Variants in DCAF5 observed in about 807,000 individuals in gnomAD.
DCAF5 encodes the protein DDB1 and CUL4 associated factor 5, also known as DDB1- and CUL4-associated factor 5.
Under a neutral mutation model 80.7 loss-of-function variants are expected in DCAF5, and 9 were observed. The observed-to-expected ratio is 0.11, with a 90% CI of 0.07 to 0.19. DCAF5 has a LOEUF of 0.19. Ranked by LOEUF, DCAF5 falls within the 10% of genes least tolerant of loss-of-function variation. The pLI is 1.00. For synonymous variants in DCAF5, 433 were observed against 461.9 expected (o/e 0.94, Z 0.80); for missense variants, 842 against 1,205.7 (o/e 0.70, Z 4.47).
chr14:69,081,786 C>T (rs986873285), intron 6 of DCAF5, among the ~76,000 whole-genome samples: 1 of 151,990 alleles, frequency 6.6e-6, no homozygotes, highest in Admixed American at 6.6e-5. Context: ...GTTTGTGGTG[C>T]GTGCTTACAC....
chr14:69,090,176 A>G, intron 6 of DCAF5: 1 of 911,828 alleles, frequency 1.1e-6, no homozygotes, highest in East Asian at 1.2e-4. Flanking sequence ...GCAAAGAAAG[A>G]AGGAAAAAAG....
At chr14:69,119,008 C>G in intron 3 of DCAF5, 186 bp downstream of exon 3, 2 of 572,366 alleles carry the variant, frequency 3.5e-6, no homozygotes, top group Non-Finnish European at 5.9e-6. Flanking sequence ...CTTTCAAATC[C>G]CTTTTTCCTT....
chr14:69,142,452 C>T (rs983512070), intron 1 of DCAF5, among the ~76,000 whole-genome samples: 4 of 152,190 alleles, frequency 2.6e-5, no homozygotes, highest in Non-Finnish European at 5.9e-5. Context: ...CAGTGAATGG[C>T]CATGAAAGTG....
intron 4 of DCAF5, among the ~76,000 whole-genome samples, chr14:69,116,932 TA>T (rs1027406219): frequency 1.3e-5 from 2 of 151,908 alleles, no homozygotes; most frequent in Admixed American, 6.6e-5. Context: ...TGATGAAGAT[TA>T]AAAAAAACAA....
intron 1 of DCAF5, among the ~76,000 whole-genome samples, chr14:69,143,593 C>T (rs1407791178): frequency 8.6e-6 from 1 of 116,120 alleles, no homozygotes; most frequent in Non-Finnish European, 1.6e-5. Flanking sequence ...ACAGCAATGT[C>T]TCAGCTGAAC....
intron 7 of DCAF5, among the ~76,000 whole-genome samples, chr14:69,068,488 C>T (rs1472121615): frequency 1.3e-5 from 2 of 152,000 alleles, no homozygotes; most frequent in Admixed American, 6.6e-5. Context: ...CACCTGAGGT[C>T]GGGAGTTCGA....
intron 1 of DCAF5, among the ~76,000 whole-genome samples, chr14:69,134,415 G>A (rs1052372797): frequency 3.3e-5 from 5 of 152,182 alleles, no homozygotes; most frequent in African/African-American, 1.2e-4. Context: ...TAATAGCACA[G>A]GTGACACTCC....
chr14:69,137,082 C>T (rs781541138), intron 1 of DCAF5, among the ~76,000 whole-genome samples: 4 of 152,162 alleles, frequency 2.6e-5, no homozygotes, highest in Non-Finnish European at 5.9e-5. Context: ...ATAATTAATA[C>T]ATAATAGTTG....
Position 69,153,031 on chromosome 14 carries a change from G to C in DCAF5, c.-53C>G. On this transcript the variant is annotated 5_prime_UTR_variant, in exon 1 of 9. Transcript: ENST00000341516. ...GCCGCCGCCCCTCCCTCGGCCTCAC[G>C]CGCGGCCGCTGCTCCCCCCACCCGG... 3 of 1,386,158 alleles carry C rather than the reference G, an allele frequency of 2.2e-6. No homozygotes were observed. Among genetic ancestry groups the C allele is most frequent in the Non-Finnish European group, 2.8e-6 (3 of 1,061,584 alleles). 85.9% of individuals were successfully genotyped at this position (1,386,158 alleles called of 1,614,324 possible). A position where few individuals can be genotyped will look rare whatever the true frequency, so the allele number is the denominator to read the frequency against.
At chr14:69,116,286 A>G (rs1235292337) in intron 5 of DCAF5, 80 bp downstream of exon 5, 1 of 1,527,018 alleles carries the variant, frequency 6.5e-7, no homozygotes, top group African/African-American at 1.4e-5. Flanking sequence ...AGAGGTCCTT[A>G]CAACACTTAC....
Position 69,054,566 on chromosome 14 carries a change from C to A in DCAF5, c.2120G>T (p.Ser707Ile). The change falls in exon 9 of 9, where the codon AGT (serine) becomes ATT (isoleucine). Residue 707 changes from serine to isoleucine, a missense_variant. This residue lies in a region of DCAF5 where 607 missense variants were observed against 656.6 expected (regional missense o/e 0.92). Transcript: ENST00000341516. ...SHKDNPAPSS[S>I]KEACLNIAMA... ...TGCTATGTTTAGACAGGCTTCCTTACTGGAAGAAGGGGCTGGGTTGTCTTT... is the reference window on the plus strand; with the variant it reads ...TGCTATGTTTAGACAGGCTTCCTTAATGGAAGAAGGGGCTGGGTTGTCTTT... 6.2e-7 allele frequency: 1 copy of A among 1,614,208 alleles called. No homozygotes were observed. The highest frequency in any genetic ancestry group is 1.1e-5 in the South Asian group (1 of 91,084).
intron 1 of DCAF5, among the ~76,000 whole-genome samples, chr14:69,130,716 T>C (rs2041015777): frequency 6.6e-6 from 1 of 152,208 alleles, no homozygotes. Context: ...AACGTATTAG[T>C]GACTGTATTA....
intron 1 of DCAF5, among the ~76,000 whole-genome samples, chr14:69,148,102 CAAAAA>C (rs71446373): frequency 1.1e-5 from 1 of 91,636 alleles, no homozygotes; most frequent in African/African-American, 4.0e-5. Context: ...ATTTTCTTCG[CAAAAA>C]AAAAAAAAAA....
intron 5 of DCAF5, among the ~76,000 whole-genome samples, chr14:69,114,008 T>C (rs2040458816): frequency 6.6e-6 from 1 of 152,206 alleles, no homozygotes; most frequent in African/African-American, 2.4e-5. Context: ...AAAGAAACTA[T>C]AAAACCTTAC....
chr14:69,148,100 C>T (rs1439655073), intron 1 of DCAF5, among the ~76,000 whole-genome samples: 4 of 94,986 alleles, frequency 4.2e-5, no homozygotes, highest in South Asian at 4.5e-4. Context: ...TCATTTTCTT[C>T]GCAAAAAAAA....
chr14:69,051,164 A>G lies in DCAF5; in HGVS notation c.*2693T>C, dbSNP rs1018703554. 3 of 152,626 alleles carry G rather than the reference A, an allele frequency of 2.0e-5. No homozygotes were observed. Among genetic ancestry groups the G allele is most frequent in the Non-Finnish European group, 4.4e-5 (3 of 68,050 alleles). The allele number at this position is 152,626 out of a possible 1,614,324, so 9.5% of individuals were successfully genotyped here. A position where few individuals can be genotyped will look rare whatever the true frequency, so the allele number is the denominator to read the frequency against. ...GGAAAATAGAGAGAAATGATTTTAC[A>G]TATCTGGACCTGCCACTTAAAACTT... On this transcript the variant is annotated 3_prime_UTR_variant, in exon 9 of 9. Transcript: ENST00000341516.
At chr14:69,068,383 G>C (rs1037603793) in intron 7 of DCAF5, among the ~76,000 whole-genome samples, 1 of 152,096 alleles carries the variant, frequency 6.6e-6, no homozygotes, top group African/African-American at 2.4e-5. Flanking sequence ...TTTCATTCTT[G>C]ACCCCACTGG....
rs200888922 is a variant in DCAF5, at chr14:69,122,192, C to T, written c.358+25G>A. 280 of 1,605,750 alleles carry T rather than the reference C, an allele frequency of 1.7e-4. 1 individual carries two copies. The African/African-American group carries it at 3.3e-3, about 19-fold the overall frequency. On this transcript the variant is annotated intron_variant, in intron 2 of 8. Coordinates refer to ENST00000341516, the MANE Select transcript of DCAF5 (RefSeq NM_003861.3). ...CTAAAATCCCAACCACAGTGACGTT[C>T]CCAAGGTAGAATCTCCCTTTTTACC...
chr14:69,143,449 A>C (rs1168399117), intron 1 of DCAF5, among the ~76,000 whole-genome samples: 1 of 152,140 alleles, frequency 6.6e-6, no homozygotes, highest in African/African-American at 2.4e-5. Flanking sequence ...TAACTTACAA[A>C]ACATTCTTTT....
Sources: allele counts gnomAD v4.1 joint callset (sites outside exome capture counted in the v4.1 genomes callset), GRCh38; gene constraint gnomAD v4.1.1; regional missense constraint gnomAD v4.1.1; transcripts MANE v1.5; gene names NCBI Gene and HGNC (gene_info 2026-07-23, HGNC 2026-07-21).